RIPK1: variants seen among roughly 807,000 people sequenced by gnomAD.
RIPK1 encodes receptor-interacting serine/threonine-protein kinase 1.
Under a neutral mutation model 62.4 loss-of-function variants are expected in RIPK1, and 27 were observed. The ratio of observed to expected loss-of-function variants is 0.43; its 90% CI spans 0.32 to 0.60. The LOEUF (loss-of-function observed/expected upper bound fraction) is 0.60, where lower values mean the gene tolerates loss of function less well. RIPK1 is among the 20% of genes least tolerant of loss of function. The pLI is 0.07. For missense variants in RIPK1, 735 were observed against 831.0 expected (o/e 0.88, Z 1.42); for synonymous variants, 287 against 303.2 (o/e 0.95, Z 0.55).
rs191497918 is a variant in RIPK1, at chr6:3,109,077, A to T, written c.1577-1726A>T. On this transcript the variant is annotated intron_variant, in intron 9 of 10. Coordinates refer to ENST00000259808, the MANE Select transcript of RIPK1 (RefSeq NM_001354930.2). ...ACTTGACAAATTCAGCTCAGCATGA[A>T]TGTCATTGAGCCCATGCCCCGTACC... Among the ~76,000 whole-genome samples the T allele has an allele frequency of 3.8e-3, 577 of 152,296 alleles. 3 individuals are homozygous for T. The highest frequency in any genetic ancestry group is 6.9e-3 in the Non-Finnish European group (470 of 68,016).
rs115492575 is a variant in RIPK1 at position 3,071,291 on chromosome 6, T to C, written c.-61+2630T>C. 3.0e-3 allele frequency among the ~76,000 whole-genome samples: 462 copies of C among 152,292 alleles called. 2 individuals are homozygous for C. The highest frequency in any genetic ancestry group is 0.011 in the African/African-American group (439 of 41,560). On this transcript the variant is annotated intron_variant, in intron 1 of 10. Transcript: ENST00000259808. ...ATAGAAAAATGGGGAAAAAGTTAAT[T>C]AGAATATTTTGATATGTATACTTAC... is the stretch of plus-strand genomic sequence containing the variant.
In RIPK1 at chr6:3,086,772, C is replaced by T. The variant is rs9391981; in HGVS notation, c.838+1364C>T. On this transcript the variant is annotated intron_variant, in intron 6 of 10. Coordinates refer to ENST00000259808, the MANE Select transcript of RIPK1 (RefSeq NM_001354930.2). ...TGATTTATGGAAGTTCCATTACATA[C>T]GCATGACTGACTAAATCATGGTCAT... 9.9e-5 allele frequency among the ~76,000 whole-genome samples: 15 copies of T among 152,204 alleles called. No homozygotes were observed. In the South Asian group the frequency reaches 2.9e-3, roughly 29 times the overall value.
upstream of RIPK1, among the ~76,000 whole-genome samples, chr6:3,065,573 T>C (rs1758346653): frequency 6.7e-6 from 1 of 148,762 alleles, no homozygotes; most frequent in South Asian, 2.1e-4. Context: ...GTCAGGGAGG[T>C]CTCCCAGGCT....
chr6:3,084,192 C>T (rs17513325), intron 5 of RIPK1, among the ~76,000 whole-genome samples: 291 of 152,290 alleles, frequency 1.9e-3, no homozygotes, highest in African/African-American at 6.8e-3. Flanking sequence ...CTCCTTCCAC[C>T]GTCCACCATT....
chr6:3,105,711 A>T lies in RIPK1; in HGVS notation c.1236A>T (p.Arg412Ser), dbSNP rs1381694187. The T allele has an allele frequency of 3.1e-6, 5 of 1,614,026 alleles. No individual in the cohort carries two copies. The Admixed American group carries it at 8.3e-5, about 27-fold the overall frequency. Residue 412 changes from arginine (R) to serine (S), a missense_variant, in exon 9 of 11, where the codon AGA becomes AGT. By Grantham distance (110) the Arg-to-Ser change is moderately radical (BLOSUM62 -1). Transcript: ENST00000259808. This position sits in a 1 kb window ranked among gnomAD's most constrained non-coding sequence, Gnocchi z 4.5. Reference protein sequence around the residue: ...NVAYNREEERRRRVSHDPFAQ... With the variant: ...NVAYNREEERSRRVSHDPFAQ... ...CTTACAACAGAGAGGAGGAAAGGAG[A>T]CGCAGGGTCTCCCATGACCCTTTTG... is the stretch of plus-strand genomic sequence containing the variant.
In RIPK1 at chr6:3,068,615, AGC is replaced by A; in HGVS notation, c.-103_-102del. ...GCGGCCATCCGGGCGGGGCCGACGG[AGC>A]GCGGCAGGACTTGGCTGGACGGCGC... On this transcript the variant is annotated 5_prime_UTR_variant, in exon 1 of 11. Coordinates refer to ENST00000259808, the MANE Select transcript of RIPK1 (RefSeq NM_001354930.2). 1.0e-6 allele frequency: 1 copy of A among 985,008 alleles called. No individual in the cohort carries two copies. Among genetic ancestry groups the A allele is most frequent in the Non-Finnish European group, 1.2e-6 (1 of 829,870 alleles). 61.0% of individuals were successfully genotyped at this position (985,008 alleles called of 1,614,324 possible).
At chr6:3,081,452 T>C (rs1396723325) in intron 4 of RIPK1, among the ~76,000 whole-genome samples, 1 of 152,212 alleles carries the variant, frequency 6.6e-6, no homozygotes, top group East Asian at 1.9e-4. Context: ...GAATGGGCCA[T>C]TGGTGTCATA....
chr6:3,095,610 A>C (rs561240369), intron 7 of RIPK1, among the ~76,000 whole-genome samples: 69 of 152,376 alleles, frequency 4.5e-4, no homozygotes, highest in Non-Finnish European at 8.2e-4. Context: ...GTTTCTGCCA[A>C]GAATGCAAAG....
At chr6:3,099,282 C>T (rs997534201) in intron 7 of RIPK1, among the ~76,000 whole-genome samples, 2 of 152,220 alleles carry the variant, frequency 1.3e-5, no homozygotes, top group East Asian at 1.9e-4. Flanking sequence ...CGGTGGCTGA[C>T]GCCTGTAATC....
intron 1 of RIPK1, among the ~76,000 whole-genome samples, chr6:3,073,484 C>T (rs925855436): frequency 5.3e-5 from 8 of 152,104 alleles, no homozygotes; most frequent in African/African-American, 1.9e-4. Flanking sequence ...GGAGCTATGG[C>T]TCCTGGTCTC....
intron 7 of RIPK1, among the ~76,000 whole-genome samples, chr6:3,098,253 A>G (rs1037190958): frequency 7.9e-5 from 12 of 152,262 alleles, no homozygotes; most frequent in African/African-American, 2.9e-4. Flanking sequence ...AAGGACTTGA[A>G]TACATAAAAT....
intron 3 of RIPK1, among the ~76,000 whole-genome samples, chr6:3,079,971 A>G (rs915540492): frequency 6.6e-6 from 1 of 152,230 alleles, no homozygotes; most frequent in African/African-American, 2.4e-5. Flanking sequence ...CAGTCAGGGC[A>G]TCAGGAGGAC....
At position 3,077,001 on chromosome 6, in the gene RIPK1, A is replaced by G; in HGVS notation, c.164+14A>G. 1 of 669,254 alleles carries G rather than the reference A, an allele frequency of 1.5e-6. No homozygotes were observed. The highest frequency in any genetic ancestry group is 2.6e-6 in the Non-Finnish European group (1 of 391,364). 41.5% of individuals were successfully genotyped at this position (669,254 alleles called of 1,614,324 possible). A position where few individuals can be genotyped will look rare whatever the true frequency, so the allele number is the denominator to read the frequency against. On this transcript the variant is annotated intron_variant, in intron 2 of 10. Coordinates refer to ENST00000259808, the MANE Select transcript of RIPK1 (RefSeq NM_001354930.2). ...CAACTGCATTGAGTGAGTAGGGAGC[A>G]GGGGTGGGTGGGCTAAGTTCTGAGC...
At chr6:3,090,238 G>A (rs1005616835) in intron 7 of RIPK1, among the ~76,000 whole-genome samples, 2 of 152,086 alleles carry the variant, frequency 1.3e-5, no homozygotes, top group Non-Finnish European at 2.9e-5. Flanking sequence ...GGGGTTAGAG[G>A]GGCATGACAA....
chr6:3,094,104 T>C (rs1431096590), intron 7 of RIPK1, among the ~76,000 whole-genome samples: 9 of 134,610 alleles, frequency 6.7e-5, no homozygotes, highest in Non-Finnish European at 1.2e-4. Flanking sequence ...ACCTAGTAAC[T>C]GCAGAGTACC....
At chr6:3,085,434 A>G in intron 6 of RIPK1, 26 bp downstream of exon 6, 1 of 1,612,934 alleles carries the variant, frequency 6.2e-7, no homozygotes, top group South Asian at 1.1e-5. Context: ...CTGACTGTGT[A>G]GGATGCATCC....
upstream of RIPK1, among the ~76,000 whole-genome samples, chr6:3,065,595 G>A (rs1197288561): frequency 6.6e-6 from 1 of 152,024 alleles, no homozygotes; most frequent in Non-Finnish European, 1.5e-5. Context: ...ACCTGGAGGA[G>A]TCAGGGTCTC....
intron 1 of RIPK1, among the ~76,000 whole-genome samples, chr6:3,069,189 C>G (rs1357036751): frequency 6.6e-6 from 1 of 152,200 alleles, no homozygotes. Context: ...CTCCTAGTGC[C>G]CTATCATTAA....
At chr6:3,112,370 A>G (rs560006865) in intron 10 of RIPK1, among the ~76,000 whole-genome samples, 1 of 152,164 alleles carries the variant, frequency 6.6e-6, no homozygotes. Flanking sequence ...AGGAACAAAA[A>G]TGGTGGTTTT....
Sources: gnomAD v4.1 joint callset for allele counts (sites outside exome capture counted in the v4.1 genomes callset) on GRCh38, gnomAD v4.1.1 for gene constraint, Gnocchi (gnomAD v3.1) non-coding constraint, MANE v1.5 for transcripts, NCBI Gene and HGNC (gene_info 2026-07-23, HGNC 2026-07-21) for gene names.